TENM2: variants seen among roughly 807,000 people sequenced by gnomAD.
TENM2 encodes the protein teneurin-2.
TENM2 carries 52 observed loss-of-function variants against 245.2 expected under a neutral mutation model. The ratio of observed to expected loss-of-function variants is 0.21; its 90% CI spans 0.17 to 0.27. TENM2 has a LOEUF of 0.27. Among genes scored for constraint, TENM2 ranks in the 10% least tolerant of loss-of-function variants. The probability of loss-of-function intolerance (pLI) is 1.00; values close to 1 mark genes in which losing one functional copy is unlikely to be tolerated. For synonymous variants in TENM2, 1,363 were observed against 1,438.9 expected (o/e 0.95, Z 1.19); for missense variants, 3,046 against 3,666.8 (o/e 0.83, Z 4.37).
the TENM2 span, among the ~76,000 whole-genome samples, chr5:167,090,853 T>C: frequency 1.3e-5 from 2 of 149,096 alleles, no homozygotes; most frequent in Non-Finnish European, 3.0e-5. Flanking sequence ...GATTCTAAAA[T>C]GTATATTGGC....
At chr5:168,109,800 T>G (rs1437350655) in intron 9 of TENM2, among the ~76,000 whole-genome samples, 1 of 152,202 alleles carries the variant, frequency 6.6e-6, no homozygotes, top group Non-Finnish European at 1.5e-5. Context: ...CGCATCACTT[T>G]TGACCTCTCA....
intron 1 of TENM2, among the ~76,000 whole-genome samples, chr5:167,320,833 A>T (rs1318350398): frequency 6.6e-6 from 1 of 152,214 alleles, no homozygotes; most frequent in African/African-American, 2.4e-5. Flanking sequence ...CTGTTATAGT[A>T]GCACAAAACA....
intron 2 of TENM2, among the ~76,000 whole-genome samples, chr5:167,479,355 G>A (rs1767612546): frequency 6.6e-6 from 1 of 152,042 alleles, no homozygotes; most frequent in Admixed American, 6.5e-5. Flanking sequence ...TGAAAGATTT[G>A]GGGTCCTACT....
intron 2 of TENM2, among the ~76,000 whole-genome samples, chr5:167,813,137 T>C (rs1173918160): frequency 2.6e-5 from 4 of 151,826 alleles, no homozygotes; most frequent in African/African-American, 7.3e-5. Context: ...TTGCTGGGGG[T>C]GGAAGCTCTG....
chr5:167,720,348 A>G (rs1241159983), intron 2 of TENM2, among the ~76,000 whole-genome samples: 1 of 152,236 alleles, frequency 6.6e-6, no homozygotes, highest in Non-Finnish European at 1.5e-5. Flanking sequence ...AAGATTGCAT[A>G]CTGACAGAGA....
At chr5:167,529,447 C>T (rs1203312245) in intron 2 of TENM2, among the ~76,000 whole-genome samples, 1 of 152,166 alleles carries the variant, frequency 6.6e-6, no homozygotes, top group African/African-American at 2.4e-5. Flanking sequence ...GAATCCATTG[C>T]CATGCTTCTT....
At chr5:167,505,464 A>G (rs529218769) in intron 2 of TENM2, among the ~76,000 whole-genome samples, 1 of 152,318 alleles carries the variant, frequency 6.6e-6, no homozygotes, top group Non-Finnish European at 1.5e-5. Context: ...AAAAGAAGGG[A>G]TTTATGTGGA....
At chr5:167,052,047 T>C in the TENM2 span, among the ~76,000 whole-genome samples, 13 of 152,330 alleles carry the variant, frequency 8.5e-5, no homozygotes, top group Non-Finnish European at 5.9e-5. Flanking sequence ...TATAAGCAAC[T>C]GACAGGTAAA....
At chr5:167,406,647 A>G (rs1485311964) in intron 2 of TENM2, among the ~76,000 whole-genome samples, 2 of 152,174 alleles carry the variant, frequency 1.3e-5, no homozygotes, top group Non-Finnish European at 2.9e-5. Flanking sequence ...CATTCTACAG[A>G]TGAGGAAACT....
chr5:167,100,732 G>A, the TENM2 span, among the ~76,000 whole-genome samples: 1 of 152,000 alleles, frequency 6.6e-6, no homozygotes, highest in Non-Finnish European at 1.5e-5. Flanking sequence ...AACAAAGAGA[G>A]TTTTCCTTTA....
chr5:167,185,244 T>C, the TENM2 span, among the ~76,000 whole-genome samples: 1 of 152,172 alleles, frequency 6.6e-6, no homozygotes, highest in East Asian at 1.9e-4. Flanking sequence ...TTAGGGCTTC[T>C]TTTTCTGCTC....
In TENM2 at chr5:168,112,445, A is replaced by G. The variant is rs543474658; in HGVS notation, c.1814-5847A>G. 1.0e-3 allele frequency among the ~76,000 whole-genome samples: 154 copies of G among 152,168 alleles called. No homozygotes were observed. In the Middle Eastern group the frequency reaches 0.031, roughly 30 times the overall value. The stretch of plus-strand genomic sequence containing the variant: ...ATGTGTCCATGTGTTCTCATCATTT[A>G]GCTCCTACTTATGAGAATATACAAT... On this transcript the variant is annotated intron_variant, in intron 9 of 28. Transcript: ENST00000518659.
the TENM2 span, among the ~76,000 whole-genome samples, chr5:167,153,551 G>A: frequency 1.3e-5 from 2 of 152,100 alleles, no homozygotes; most frequent in Admixed American, 1.3e-4. Context: ...GGCACATTCA[G>A]TGTCATTTTC....
intron 2 of TENM2, among the ~76,000 whole-genome samples, chr5:167,400,966 C>T (rs1762333714): frequency 1.3e-5 from 2 of 152,044 alleles, no homozygotes; most frequent in South Asian, 4.1e-4. Flanking sequence ...TGGCTCATGC[C>T]TGCAATCCTA....
At chr5:167,995,937 G>A (rs767036805) in intron 5 of TENM2, among the ~76,000 whole-genome samples, 9 of 152,056 alleles carry the variant, frequency 5.9e-5, no homozygotes, top group Non-Finnish European at 1.3e-4. Context: ...TAAGGAGACC[G>A]GCGCTTTTAA....
At chr5:167,892,174 C>T (rs1163130732) in intron 3 of TENM2, among the ~76,000 whole-genome samples, 1 of 152,138 alleles carries the variant, frequency 6.6e-6, no homozygotes, top group Non-Finnish European at 1.5e-5. Context: ...ATTAAACGTA[C>T]ACATTATTCA....
chr5:167,238,155 G>A, the TENM2 span, among the ~76,000 whole-genome samples: 3 of 151,820 alleles, frequency 2.0e-5, no homozygotes, highest in Admixed American at 6.6e-5. Context: ...TTTTAGCAAT[G>A]TATTCTGTTT....
chr5:167,105,237 G>T, the TENM2 span, among the ~76,000 whole-genome samples: 416 of 152,304 alleles, frequency 2.7e-3, 4 homozygotes, highest in African/African-American at 9.7e-3. Context: ...TCATGTCAGT[G>T]TTGGTTGTAT....
intron 2 of TENM2, among the ~76,000 whole-genome samples, chr5:167,566,552 G>A (rs373535712): frequency 2.0e-5 from 3 of 152,144 alleles, no homozygotes; most frequent in Non-Finnish European, 2.9e-5. Context: ...GAAGAAACTC[G>A]CAAACAGTGC....
Sources: allele counts gnomAD v4.1 joint callset (sites outside exome capture counted in the v4.1 genomes callset), GRCh38; gene constraint gnomAD v4.1.1; transcripts MANE v1.5; gene names NCBI Gene and HGNC (gene_info 2026-07-23, HGNC 2026-07-21).